Variants in CNTN5 observed in about 807,000 individuals in gnomAD.
CNTN5 encodes the protein contactin-5.
In CNTN5, 77 loss-of-function variants were observed where a neutral mutation model predicts 129.1. That is an observed-to-expected ratio of 0.60 (90% confidence interval 0.50 to 0.72). The LOEUF is 0.72. Ranked by LOEUF, CNTN5 falls within the 30% of genes least tolerant of loss-of-function variation. CNTN5 has a pLI of 0.00. For synonymous variants in CNTN5, 509 were observed against 465.6 expected (o/e 1.09, Z -1.20); for missense variants, 1,478 against 1,328.8 (o/e 1.11, Z -1.75).
rs1168750361 is a variant in CNTN5, at chr11:99,775,511, A to G, written c.56-44033A>G. ...CTACTGAAGAGCTTTGGTCAAACAA[A>G]AACCTCATAACTTTAAAAAACAAAT... is the stretch of plus-strand genomic sequence containing the variant. On this transcript the variant is annotated intron_variant, in intron 3 of 24. Transcript: ENST00000524871. Among the ~76,000 whole-genome samples the G allele has an allele frequency of 2.6e-5, 4 of 152,162 alleles. No individual in the cohort carries two copies. The East Asian group carries it at 7.7e-4, about 29-fold the overall frequency.
chr11:99,526,508 T>A (rs1947491927), intron 2 of CNTN5, among the ~76,000 whole-genome samples: 1 of 152,238 alleles, frequency 6.6e-6, no homozygotes, highest in African/African-American at 2.4e-5. Flanking sequence ...TTTTTTTGTA[T>A]TCCTTGTGGC....
chr11:99,282,481 A>G (rs1453551393), intron 1 of CNTN5, among the ~76,000 whole-genome samples: 1 of 152,018 alleles, frequency 6.6e-6, no homozygotes, highest in African/African-American at 2.4e-5. Flanking sequence ...GGAAATCTTG[A>G]GCAAAAGAGT....
intron 1 of CNTN5, among the ~76,000 whole-genome samples, chr11:99,157,380 C>A (rs1050603871): frequency 6.6e-6 from 1 of 151,916 alleles, no homozygotes; most frequent in African/African-American, 2.4e-5. Context: ...TTTATATTTT[C>A]CAGTAATTGA....
chr11:100,039,712 A>G (rs895971705), intron 9 of CNTN5, among the ~76,000 whole-genome samples: 6 of 151,896 alleles, frequency 4.0e-5, no homozygotes, highest in African/African-American at 1.5e-4. Context: ...GCTTCATTTC[A>G]TTCATTTTGT....
intron 13 of CNTN5, among the ~76,000 whole-genome samples, chr11:100,149,232 A>G (rs1359236412): frequency 2.0e-5 from 3 of 152,156 alleles, no homozygotes; most frequent in Admixed American, 1.3e-4. Context: ...TTTCATATGA[A>G]AGTACAAAAA....
chr11:100,352,837 G>A (rs1346331459), intron 24 of CNTN5, among the ~76,000 whole-genome samples: 1 of 151,666 alleles, frequency 6.6e-6, no homozygotes, highest in Non-Finnish European at 1.5e-5. Flanking sequence ...CATCTTAAAA[G>A]ACTATTTCCT....
intron 2 of CNTN5, among the ~76,000 whole-genome samples, chr11:99,455,540 G>T (rs1944466712): frequency 6.6e-6 from 1 of 152,018 alleles, no homozygotes; most frequent in African/African-American, 2.4e-5. Context: ...GTATGCTGTT[G>T]TCGAAATCAA....
chr11:99,677,686 G>A (rs576969992), intron 3 of CNTN5, among the ~76,000 whole-genome samples: 11 of 151,022 alleles, frequency 7.3e-5, no homozygotes, highest in African/African-American at 2.2e-4. Context: ...GGTTTTCCTC[G>A]TTGTTCAAAA....
At chr11:99,913,688 A>C (rs528333762) in intron 6 of CNTN5, among the ~76,000 whole-genome samples, 1 of 152,022 alleles carries the variant, frequency 6.6e-6, no homozygotes, top group Non-Finnish European at 1.5e-5. Context: ...TTGTGTGTTT[A>C]ATTTCTAGGG....
intron 3 of CNTN5, among the ~76,000 whole-genome samples, chr11:99,747,416 C>T (rs1944088387): frequency 6.6e-6 from 1 of 150,778 alleles, no homozygotes; most frequent in South Asian, 2.1e-4. Context: ...CCTTGCCTAG[C>T]CTGGCTGAGA....
At chr11:99,660,847 G>A (rs562587185) in intron 3 of CNTN5, among the ~76,000 whole-genome samples, 2 of 151,660 alleles carry the variant, frequency 1.3e-5, no homozygotes, top group Admixed American at 1.3e-4. Context: ...CATTTCAATG[G>A]GTAGACCTTA....
chr11:99,627,730 T>A (rs619807), intron 3 of CNTN5, among the ~76,000 whole-genome samples: 1 of 151,334 alleles, frequency 6.6e-6, no homozygotes, highest in Non-Finnish European at 1.5e-5. Flanking sequence ...TCTTATGCAC[T>A]TGTTGGTCTT....
intron 3 of CNTN5, among the ~76,000 whole-genome samples, chr11:99,762,587 G>A (rs10893857): frequency 0.15 from 22,049 of 151,656 alleles, 1,828 homozygotes; most frequent in South Asian, 0.22. Flanking sequence ...GATATGCGGC[G>A]TTATTTCTGA....
chr11:100,337,367 A>G, intron 21 of CNTN5: 1 of 814,000 alleles, frequency 1.2e-6, no homozygotes, highest in East Asian at 2.4e-5. Context: ...CACAAAGCGA[A>G]CAGCCAGCCC....
chr11:99,821,010 G>A (rs1946784605), intron 4 of CNTN5, among the ~76,000 whole-genome samples: 1 of 152,164 alleles, frequency 6.6e-6, no homozygotes, highest in Admixed American at 6.5e-5. Context: ...ATGTAAGCAT[G>A]ATGTTAGAAC....
intron 1 of CNTN5, among the ~76,000 whole-genome samples, chr11:99,270,372 A>G (rs984765468): frequency 2.0e-5 from 3 of 151,858 alleles, no homozygotes; most frequent in African/African-American, 4.8e-5. Flanking sequence ...TCGTTATGCT[A>G]TAATTCTAAA....
chr11:99,086,023 TAAAACCAG>T (rs1462252598), intron 1 of CNTN5, among the ~76,000 whole-genome samples: 2 of 152,244 alleles, frequency 1.3e-5, no homozygotes, highest in African/African-American at 4.8e-5. Context: ...CCATGCAGTT[TAAAACCAG>T]ATAATCAGTA....
chr11:99,962,482 T>A (rs1195586529), intron 8 of CNTN5, among the ~76,000 whole-genome samples: 4 of 152,110 alleles, frequency 2.6e-5, no homozygotes, highest in Admixed American at 6.5e-5. Context: ...ACAAAGGACA[T>A]GAACTCATCC....
chr11:100,117,924 G>A lies in CNTN5; in HGVS notation c.1580+43630G>A, dbSNP rs145533970. 2.7e-3 allele frequency among the ~76,000 whole-genome samples: 417 copies of A among 151,902 alleles called. 4 individuals are homozygous for A. The highest frequency in any genetic ancestry group is 9.8e-3 in the African/African-American group (405 of 41,476). ...CTATTTGTCTCATTAGTTTACATAG[G>A]AGAACCTGACTTACTCTGTGATACT... On this transcript the variant is annotated intron_variant, in intron 13 of 24. Transcript: ENST00000524871.
Sources: gnomAD v4.1 joint callset for allele counts (sites outside exome capture counted in the v4.1 genomes callset) on GRCh38, gnomAD v4.1.1 for gene constraint, MANE v1.5 for transcripts, NCBI Gene and HGNC (gene_info 2026-07-23, HGNC 2026-07-21) for gene names.